The following ACOX3 variants were observed in gnomAD, a reference collection of about 807,000 sequenced individuals.
ACOX3 encodes the protein acyl-CoA oxidase 3, pristanoyl.
ACOX3 carries 73 observed loss-of-function variants against 81.5 expected under a neutral mutation model. The observed-to-expected ratio is 0.90, with a 90% CI of 0.74 to 1.09. The LOEUF (loss-of-function observed/expected upper bound fraction) is 1.09, where lower values mean the gene tolerates loss of function less well. Ranked by LOEUF, ACOX3 falls within the 50% of genes least tolerant of loss-of-function variation. ACOX3 has a pLI of 0.00. For synonymous variants in ACOX3, 387 were observed against 375.1 expected (o/e 1.03, Z -0.37); for missense variants, 947 against 928.0 (o/e 1.02, Z -0.27).
At chr4:8,380,044 T>C (rs1717440533) in intron 14 of ACOX3, among the ~76,000 whole-genome samples, 1 of 152,178 alleles carries the variant, frequency 6.6e-6, no homozygotes, top group East Asian at 1.9e-4. Context: ...ACCTGCTGTG[T>C]ATCACCCAAG....
Position 8,430,724 on chromosome 4 carries a change from C to T in ACOX3, c.-15+9924G>A, listed in dbSNP as rs182115900. The stretch of plus-strand genomic sequence containing the variant: ...TACAAAAATTAGCTGGGCATGGTGG[C>T]GGGCGCCTGTAATCCCAGCTACTTG... On this transcript the variant is annotated intron_variant, in intron 1 of 17. Coordinates refer to ENST00000356406, the MANE Select transcript of ACOX3 (RefSeq NM_003501.3). This position sits in a 1 kb window ranked among gnomAD's most constrained non-coding sequence, Gnocchi z 5.2. Among the ~76,000 whole-genome samples, 4 of 152,184 alleles carry T rather than the reference C, an allele frequency of 2.6e-5. No homozygotes were observed. The highest frequency in any genetic ancestry group is 1.9e-4 in the East Asian group (1 of 5,184).
At chr4:8,365,396 T>C (rs1715348860), downstream of ACOX3, among the ~76,000 whole-genome samples, 1 of 151,940 alleles carries the variant, frequency 6.6e-6, no homozygotes, top group Non-Finnish European at 1.5e-5. Flanking sequence ...TAAACCAGAG[T>C]AAGATGAATT....
At chr4:8,424,618 T>G (rs922153036) in intron 1 of ACOX3, among the ~76,000 whole-genome samples, 7 of 152,252 alleles carry the variant, frequency 4.6e-5, no homozygotes, top group African/African-American at 1.7e-4. Context: ...TAAAGGAGAC[T>G]TACGGCTGTC....
chr4:8,375,190 C>T, intron 14 of ACOX3, 38 bp from the exon 15 acceptor site: 2 of 1,477,246 alleles, frequency 1.4e-6, no homozygotes, highest in Non-Finnish European at 1.8e-6. Context: ...CCGTGAGGGT[C>T]CCAGCCCCGC....
rs1242982631 is a variant in ACOX3, at chr4:8,382,459, G to A, written c.1538-852C>T. Among the ~76,000 whole-genome samples, 1 of 152,190 alleles carries A rather than the reference G, an allele frequency of 6.6e-6. No homozygotes were observed. ...CATGGCGAGCATGTGAGGGAGGGGT[G>A]CAGACCACCCACATGTGGAGGCCAC... On this transcript the variant is annotated intron_variant, in intron 13 of 17. Coordinates refer to ENST00000356406, the MANE Select transcript of ACOX3 (RefSeq NM_003501.3). This position sits in a 1 kb window ranked among gnomAD's most constrained non-coding sequence, Gnocchi z 4.1.
intron 14 of ACOX3, among the ~76,000 whole-genome samples, chr4:8,377,211 CAG>C (rs1249252924): frequency 1.3e-5 from 2 of 152,318 alleles, no homozygotes; most frequent in Non-Finnish European, 2.9e-5. Flanking sequence ...GGCCCAGGCA[CAG>C]AGAGGCCGTC....
Position 8,384,898 on chromosome 4 carries a change from G to A in ACOX3, c.1538-3291C>T, listed in dbSNP as rs549869612. Among the ~76,000 whole-genome samples the A allele has an allele frequency of 1.3e-5, 2 of 152,240 alleles. No homozygotes were observed. Among genetic ancestry groups the A allele is most frequent in the South Asian group, 2.1e-4 (1 of 4,818 alleles). ...GGCCGGTGCTCCCCAAAAGCACAAC[G>A]CACGGACCCTCTGAGACACCCTCAG... On this transcript the variant is annotated intron_variant, in intron 13 of 17. Coordinates refer to ENST00000356406, the MANE Select transcript of ACOX3 (RefSeq NM_003501.3). The surrounding 1 kb of genome is among the most constrained non-coding windows in gnomAD (Gnocchi z 5.3).
chr4:8,368,098 G>A lies in ACOX3; in HGVS notation c.1984-1018C>T, dbSNP rs1321026630. On this transcript the variant is annotated intron_variant, in intron 17 of 17. Coordinates refer to ENST00000356406, the MANE Select transcript of ACOX3 (RefSeq NM_003501.3). This position sits in a 1 kb window ranked among gnomAD's most constrained non-coding sequence, Gnocchi z 5.9. ...TGCATCGACTGCTGCTCTGAAATCT[G>A]CTCTCACACCCCAGGCCGCTACAGG... Among the ~76,000 whole-genome samples the A allele has an allele frequency of 6.6e-6, 1 of 152,206 alleles. No homozygotes were observed. The highest frequency in any genetic ancestry group is 1.5e-5 in the Non-Finnish European group (1 of 68,044).
At position 8,389,606 on chromosome 4, in the gene ACOX3, C is replaced by A. The variant is rs780917248; in HGVS notation, c.1423+6G>T. 6 of 1,613,704 alleles carry A rather than the reference C, an allele frequency of 3.7e-6. No homozygotes were observed. The highest frequency in any genetic ancestry group is 1.1e-5 in the South Asian group (1 of 91,058). Reference sequence around the variant, plus strand: ...GCGCCCCCACCAGTGTGCAGCAGAGCCTCACCGTGGACCTGGTGTGCCAGG... The same window carrying A: ...GCGCCCCCACCAGTGTGCAGCAGAGACTCACCGTGGACCTGGTGTGCCAGG... On this transcript the variant is annotated splice_donor_region_variant and intron_variant, in intron 12 of 17. Transcript: ENST00000356406. This position sits in a 1 kb window ranked among gnomAD's most constrained non-coding sequence, Gnocchi z 5.3.
rs561202327 is a variant in ACOX3, at chr4:8,417,508, A to G, written c.-14-973T>C. 2.6e-5 allele frequency among the ~76,000 whole-genome samples: 4 copies of G among 152,322 alleles called. No individual in the cohort carries two copies. The South Asian group carries it at 6.2e-4, about 24-fold the overall frequency. On this transcript the variant is annotated intron_variant, in intron 1 of 17. Coordinates refer to ENST00000356406, the MANE Select transcript of ACOX3 (RefSeq NM_003501.3). ...CTACTGCCCCCCATGAAAGATGGAG[A>G]AACGGAAGCTCAGAGAGGCTGTGTT...
chr4:8,384,300 G>T lies in ACOX3; in HGVS notation c.1538-2693C>A, dbSNP rs1475002747. Among the ~76,000 whole-genome samples the T allele has an allele frequency of 6.6e-6, 1 of 152,182 alleles. No homozygotes were observed. The highest frequency in any genetic ancestry group is 1.5e-5 in the Non-Finnish European group (1 of 68,046). On this transcript the variant is annotated intron_variant, in intron 13 of 17. Coordinates refer to ENST00000356406, the MANE Select transcript of ACOX3 (RefSeq NM_003501.3). The surrounding 1 kb of genome is among the most constrained non-coding windows in gnomAD (Gnocchi z 5.3). ...TCATGTCAGTCTGATGTGTTCATGT[G>T]CAGGGGAGAAGATCCCCAAAAAGCA... is the stretch of plus-strand genomic sequence containing the variant.
At chr4:8,422,146 G>C (rs969918233) in intron 1 of ACOX3, among the ~76,000 whole-genome samples, 2 of 152,058 alleles carry the variant, frequency 1.3e-5, no homozygotes, top group African/African-American at 4.8e-5. Context: ...GAGAAACAGA[G>C]AGAGAAAGGA....
rs182172092 is a variant in ACOX3 at position 8,368,985 on chromosome 4, T to C, written c.1984-1905A>G. Reference sequence around the variant, plus strand: ...GTGAGCCACCATGCTCAGCCAGGAATGCACGTTTAATAAACCATCCTGCCA... The same window carrying C: ...GTGAGCCACCATGCTCAGCCAGGAACGCACGTTTAATAAACCATCCTGCCA... On this transcript the variant is annotated intron_variant, in intron 17 of 17. Coordinates refer to ENST00000356406, the MANE Select transcript of ACOX3 (RefSeq NM_003501.3). The surrounding 1 kb of genome is among the most constrained non-coding windows in gnomAD (Gnocchi z 5.9). 2.6e-5 allele frequency among the ~76,000 whole-genome samples: 4 copies of C among 152,278 alleles called. 1 individual carries two copies. Among genetic ancestry groups the C allele is most frequent in the African/African-American group, 9.6e-5 (4 of 41,568 alleles).
In ACOX3 at chr4:8,394,202, G is replaced by T. The variant is rs1269337098; in HGVS notation, c.1179+418C>A. Among the ~76,000 whole-genome samples, 1 of 152,176 alleles carries T rather than the reference G, an allele frequency of 6.6e-6. No homozygotes were observed. The highest frequency in any genetic ancestry group is 1.5e-5 in the Non-Finnish European group (1 of 68,044). On this transcript the variant is annotated intron_variant, in intron 10 of 17. Transcript: ENST00000356406. The surrounding 1 kb of genome is among the most constrained non-coding windows in gnomAD (Gnocchi z 5.9). ...CTCTTTATGCCGAGGCTGATCTCGG[G>T]ATTTGCACGCTCGTTTCTGGCACAA... is the stretch of plus-strand genomic sequence containing the variant.
At position 8,385,560 on chromosome 4, in the gene ACOX3, A is replaced by T. The variant is rs1387530631; in HGVS notation, c.1537+3613T>A. Among the ~76,000 whole-genome samples, 1 of 152,256 alleles carries T rather than the reference A, an allele frequency of 6.6e-6. No individual in the cohort carries two copies. Among genetic ancestry groups the T allele is most frequent in the Non-Finnish European group, 1.5e-5 (1 of 68,042 alleles). ...CAGGAAGCAACAGCACAGGCCCCCA[A>T]GGCACAGGGCTGTGACACTCAGCTC... On this transcript the variant is annotated intron_variant, in intron 13 of 17. Transcript: ENST00000356406. The surrounding 1 kb of genome is among the most constrained non-coding windows in gnomAD (Gnocchi z 5.5).
chr4:8,410,691 T>C (rs952506227), intron 5 of ACOX3, among the ~76,000 whole-genome samples: 3 of 152,166 alleles, frequency 2.0e-5, no homozygotes, highest in African/African-American at 7.2e-5. Flanking sequence ...GAGCTGTCTG[T>C]GCACTGTGGG....
At chr4:8,412,767 G>A (rs545724373) in intron 5 of ACOX3, among the ~76,000 whole-genome samples, 114 of 152,132 alleles carry the variant, frequency 7.5e-4, no homozygotes, top group African/African-American at 2.7e-3. Flanking sequence ...GGCAGGGCCA[G>A]GGAACAGAAC....
intron 11 of ACOX3, among the ~76,000 whole-genome samples, chr4:8,391,292 G>A (rs1718971353): frequency 6.6e-6 from 1 of 152,218 alleles, no homozygotes; most frequent in African/African-American, 2.4e-5. Context: ...GAGGGGCCAC[G>A]TTGCTAACAG....
At position 8,367,060 on chromosome 4, in the gene ACOX3, G is replaced by A. The variant is rs777291758; in HGVS notation, c.2004C>T (p.Gly668=). The change falls in exon 18 of 18, where the codon GGC becomes GGT. Residue 668 remains glycine, a synonymous_variant. Transcript: ENST00000356406. ...ACACCTTGCTTTCCTGCAGGACAGC[G>A]CCCCAGAGGTTTTTGTAGAGCTGCA... ...ADGELYKNLW[G]AVLQESKVLE... 63 of 1,613,842 alleles carry A rather than the reference G, an allele frequency of 3.9e-5. 1 individual carries two copies. The South Asian group carries it at 4.4e-4, about 11-fold the overall frequency.
Sources: allele counts gnomAD v4.1 joint callset (sites outside exome capture counted in the v4.1 genomes callset), GRCh38; gene constraint gnomAD v4.1.1; non-coding constraint Gnocchi (gnomAD v3.1); transcripts MANE v1.5; gene names NCBI Gene and HGNC (gene_info 2026-07-23, HGNC 2026-07-21).